The following KCNJ12 variants were observed in gnomAD, a reference collection of about 807,000 sequenced individuals.
KCNJ12 encodes ATP-sensitive inward rectifier potassium channel 12.
A neutral mutation model predicts 22.3 loss-of-function variants in KCNJ12; 2 were observed. That is an observed-to-expected ratio of 0.09 (90% CI 0.04 to 0.28). The LOEUF (loss-of-function observed/expected upper bound fraction) is 0.28. Among genes scored for constraint, KCNJ12 ranks in the 10% least tolerant of loss-of-function variants. The pLI is 1.00. For synonymous variants in KCNJ12, 117 were observed against 261.4 expected, an observed-to-expected ratio of 0.45 and a Z score of 5.33; for missense variants, 155 against 633.3, an observed-to-expected ratio of 0.24 and a Z score of 8.11.
In KCNJ12 at chr17:21,416,710, C is replaced by T. The variant is rs1906854191; in HGVS notation, c.*66C>T. Reference sequence around the variant, plus strand: ...GAGAGGCCCCGCGGTCGCTCAGGGGCCCCGGGTTTGAGCAGAACGGGCCCA... The same window carrying T: ...GAGAGGCCCCGCGGTCGCTCAGGGGTCCCGGGTTTGAGCAGAACGGGCCCA... On this transcript the variant is annotated 3_prime_UTR_variant, in exon 3 of 3. Coordinates refer to ENST00000583088, the MANE Select transcript of KCNJ12 (RefSeq NM_021012.5). The T allele has an allele frequency of 6.7e-7, 1 of 1,493,968 alleles. No individual in the cohort carries two copies. The highest frequency in any genetic ancestry group is 1.4e-5 in the South Asian group (1 of 73,370). The allele number at this position is 1,493,968 out of a possible 1,614,324, so 92.5% of individuals were successfully genotyped here. A position where few individuals can be genotyped will look rare whatever the true frequency, so the allele number is the denominator to read the frequency against.
At chr17:21,413,751 T>A (rs1413233640) in intron 2 of KCNJ12, among the ~76,000 whole-genome samples, 1 of 152,312 alleles carries the variant, frequency 6.6e-6, no homozygotes, top group Admixed American at 6.5e-5. Flanking sequence ...CGTCAGTGGC[T>A]GAGAGCAGGC....
chr17:21,415,233 T>G, intron 2 of KCNJ12, 54 bp from the exon 3 acceptor site: 2 of 1,505,706 alleles, frequency 1.3e-6, no homozygotes, highest in Non-Finnish European at 1.8e-6. Context: ...GGGATGGGGG[T>G]AGAGGAGCCC....
At chr17:21,385,091 A>T (rs1905031920) in intron 1 of KCNJ12, among the ~76,000 whole-genome samples, 1 of 152,074 alleles carries the variant, frequency 6.6e-6, no homozygotes, top group Non-Finnish European at 1.5e-5. Context: ...TGTCACTTTG[A>T]CCTGTCTCCA....
At chr17:21,400,099 C>A (rs868912180) in intron 1 of KCNJ12, among the ~76,000 whole-genome samples, 1,871 of 152,296 alleles carry the variant, frequency 0.012, 28 homozygotes, top group African/African-American at 0.041. Context: ...GAGCCACCTG[C>A]TACCTAGTAC....
chr17:21,384,796 G>A (rs533004870), intron 1 of KCNJ12, among the ~76,000 whole-genome samples: 4 of 146,844 alleles, frequency 2.7e-5, no homozygotes, highest in African/African-American at 7.6e-5. Flanking sequence ...GTTTTGAGAC[G>A]GAGTCTCACT....
At chr17:21,404,111 C>T (rs1439309397) in intron 1 of KCNJ12, among the ~76,000 whole-genome samples, 3 of 152,168 alleles carry the variant, frequency 2.0e-5, no homozygotes, top group Non-Finnish European at 2.9e-5. Flanking sequence ...CCACAAACCC[C>T]GAATAGTTTA....
At chr17:21,415,141 G>A (rs1432568444) in intron 2 of KCNJ12, 146 bp from the exon 3 acceptor site, 3 of 801,408 alleles carry the variant, frequency 3.7e-6, no homozygotes, top group Non-Finnish European at 5.8e-6. Flanking sequence ...AAGGCGGAGT[G>A]GGGAGCTGGC....
Position 21,379,782 on chromosome 17 carries a change from T to C in KCNJ12, c.-179+2869T>C, listed in dbSNP as rs551558048. Reference sequence around the variant, plus strand: ...GTTGGCCAGAGCTTCAGAGGCACCATGGGGTTGGGGGTGGGGGGGGGCCTG... The same window carrying C: ...GTTGGCCAGAGCTTCAGAGGCACCACGGGGTTGGGGGTGGGGGGGGGCCTG... On this transcript the variant is annotated intron_variant, in intron 1 of 2. Transcript: ENST00000583088. Among the ~76,000 whole-genome samples the C allele has an allele frequency of 3.3e-4, 26 of 79,554 alleles. No individual in the cohort carries two copies. In the East Asian group the frequency reaches 9.6e-3, roughly 29 times the overall value. 52.2% of individuals were successfully genotyped at this position (79,554 alleles called of 152,430 possible). A position where few individuals can be genotyped will look rare whatever the true frequency, so the allele number is the denominator to read the frequency against.
At chr17:21,382,131 G>T (rs1555558012) in intron 1 of KCNJ12, among the ~76,000 whole-genome samples, 1 of 152,190 alleles carries the variant, frequency 6.6e-6, no homozygotes, top group Non-Finnish European at 1.5e-5. Flanking sequence ...CTTCCTTCAG[G>T]CCCCTACTCT....
chr17:21,415,574 A>G lies in KCNJ12; in HGVS notation c.232A>G (p.Ile78Val). Residue 78 changes from isoleucine to valine, a missense_variant, in exon 3 of 3, where the codon ATC becomes GTC. Transcript: ENST00000583088. ...LADMFTTCVD[I>V]RWRYMLLIFS... ...TGACATGTTCACCACCTGTGTGGAC[A>G]TCCGCTGGCGGTACATGCTGCTCAT... The G allele has an allele frequency of 6.2e-7, 1 of 1,614,266 alleles. No individual in the cohort carries two copies. The highest frequency in any genetic ancestry group is 1.3e-5 in the African/African-American group (1 of 75,090).
intron 1 of KCNJ12, among the ~76,000 whole-genome samples, chr17:21,395,626 C>T (rs962306049): frequency 3.4e-4 from 49 of 143,976 alleles, no homozygotes; most frequent in South Asian, 6.6e-4. Flanking sequence ...AAATAATGGA[C>T]GTGATGATAA....
chr17:21,396,009 A>T (rs1177758801), intron 1 of KCNJ12, among the ~76,000 whole-genome samples: 5 of 152,078 alleles, frequency 3.3e-5, no homozygotes, highest in Non-Finnish European at 5.9e-5. Context: ...CCAGCCCAGG[A>T]TGTCCTCGGG....
chr17:21,400,900 C>T (rs1458989160), intron 1 of KCNJ12, among the ~76,000 whole-genome samples: 3 of 152,296 alleles, frequency 2.0e-5, no homozygotes, highest in South Asian at 2.1e-4. Context: ...CGGTGGCAGC[C>T]GTCCTACTGA....
At chr17:21,407,282 A>C (rs1445743140) in intron 1 of KCNJ12, among the ~76,000 whole-genome samples, 1 of 151,632 alleles carries the variant, frequency 6.6e-6, no homozygotes, top group East Asian at 1.9e-4. Flanking sequence ...CTACCCACCC[A>C]TACACTCATC....
chr17:21,387,277 C>T (rs1905098265), intron 1 of KCNJ12, among the ~76,000 whole-genome samples: 1 of 151,210 alleles, frequency 6.6e-6, no homozygotes, highest in Non-Finnish European at 1.5e-5. Flanking sequence ...CCCATCTCTA[C>T]TGAAAATACA....
intron 1 of KCNJ12, among the ~76,000 whole-genome samples, chr17:21,386,492 T>TAA (rs1555558646): frequency 9.2e-5 from 14 of 152,282 alleles, no homozygotes; most frequent in Non-Finnish European, 1.5e-4. Context: ...TTTTTAATTT[T>TAA]ATTGTATTTA....
chr17:21,383,218 T>C (rs1904943903), intron 1 of KCNJ12, among the ~76,000 whole-genome samples: 1 of 152,164 alleles, frequency 6.6e-6, no homozygotes, highest in Non-Finnish European at 1.5e-5. Flanking sequence ...TTGCTCCAGC[T>C]GCAGCCGGGC....
chr17:21,414,105 G>A, intron 2 of KCNJ12, among the ~76,000 whole-genome samples: 1 of 152,426 alleles, frequency 6.6e-6, no homozygotes, highest in South Asian at 2.1e-4. Flanking sequence ...GTGTCAGGAG[G>A]GTGGTGGGAC....
At chr17:21,381,028 G>T (rs1404956203) in intron 1 of KCNJ12, among the ~76,000 whole-genome samples, 1 of 152,350 alleles carries the variant, frequency 6.6e-6, no homozygotes, top group African/African-American at 2.4e-5. Context: ...CTTCAGCCAT[G>T]CATCATTGGA....
Sources: gnomAD v4.1 joint callset for allele counts (sites outside exome capture counted in the v4.1 genomes callset) on GRCh38, gnomAD v4.1.1 for gene constraint, MANE v1.5 for transcripts, NCBI Gene and HGNC (gene_info 2026-07-23, HGNC 2026-07-21) for gene names.